ATXN7L2: variants seen among roughly 807,000 people sequenced by gnomAD.
ATXN7L2 encodes the protein ataxin-7-like protein 2.
Under a neutral mutation model 59.6 loss-of-function variants are expected in ATXN7L2, and 17 were observed. The observed-to-expected ratio is 0.29, with a 90% CI of 0.20 to 0.43. ATXN7L2 has a LOEUF of 0.43. Ranked by LOEUF, ATXN7L2 falls within the 20% of genes least tolerant of loss-of-function variation. The pLI is 1.00. For missense variants in ATXN7L2, 858 were observed against 1,008.9 expected (o/e 0.85, Z 2.03); for synonymous variants, 378 against 392.5 (o/e 0.96, Z 0.44).
chr1:109,487,466 A>C (rs1426300418), intron 4 of ATXN7L2, 52 bp from the exon 5 acceptor site: 1 of 1,438,158 alleles, frequency 7.0e-7, no homozygotes, highest in Non-Finnish European at 9.2e-7. Context: ...TCCAGGCCCC[A>C]GGCCTCGCCT....
rs1433346064 is a variant in ATXN7L2 at position 109,491,556 on chromosome 1, G to C, written c.2089G>C (p.Glu697Gln). 1 of 1,613,996 alleles carries C rather than the reference G, an allele frequency of 6.2e-7. No homozygotes were observed. Residue 697 changes from glutamate to glutamine, a missense_variant, in exon 10 of 11, where the codon GAG becomes CAG. Physicochemically the swap from Glu to Gln is conservative, Grantham distance 29. Around this residue, in one of 3 missense-constraint regions of ATXN7L2, gnomAD observed 734 missense variants for 862.3 expected, o/e 0.85. Coordinates refer to ENST00000683729, the MANE Select transcript of ATXN7L2 (RefSeq NM_001350175.2). The surrounding 1 kb of genome is among the most constrained non-coding windows in gnomAD (Gnocchi z 4.1). ...GGCCCTGCCAACCAACTGCCTCTCT[G>C]AGGAGGAGGTGGCCAAGAAGCGGAA... is the stretch of plus-strand genomic sequence containing the variant. The part of the protein sequence containing the change: ...AKALPTNCLS[E>Q]EEVAKKRKNL...
At chr1:109,489,768 G>C in intron 7 of ATXN7L2, 162 bp from the exon 8 acceptor site, 1 of 721,992 alleles carries the variant, frequency 1.4e-6, no homozygotes, top group African/African-American at 1.8e-5. Flanking sequence ...TCTGTGAGCT[G>C]TGTCGTTCCC....
chr1:109,487,088 A>G lies in ATXN7L2; in HGVS notation c.380A>G (p.His127Arg), dbSNP rs1156693841. 1 of 1,611,142 alleles carries G rather than the reference A, an allele frequency of 6.2e-7. No individual in the cohort carries two copies. The highest frequency in any genetic ancestry group is 8.5e-7 in the Non-Finnish European group (1 of 1,178,828). Residue 127 changes from histidine (H) to arginine (R), a missense_variant, in exon 4 of 11, where the codon CAT becomes CGT. Coordinates refer to ENST00000683729, the MANE Select transcript of ATXN7L2 (RefSeq NM_001350175.2). ...GCCCCTGCCAGCTCTCAGAAATGCC[A>G]TGTAGTGAATGGGCAGGGCCCAGCT... ...PPAPASSQKCHVVNGQGPACR... is the reference protein window; with the variant it reads ...PPAPASSQKCRVVNGQGPACR...
intron 1 of ATXN7L2, chr1:109,485,844 A>T: frequency 8.2e-7 from 1 of 1,217,554 alleles, no homozygotes; most frequent in Non-Finnish European, 1.0e-6. Context: ...GCATTTGAGA[A>T]TGGACCCACT....
chr1:109,485,467 G>C (rs1656516392), intron 1 of ATXN7L2: 2 of 985,358 alleles, frequency 2.0e-6, no homozygotes. Context: ...CATCCTATCA[G>C]TGCAGGACCT....
Position 109,489,904 on chromosome 1 carries a change from C to T in ATXN7L2, c.1134-26C>T, listed in dbSNP as rs532308242. 2.5e-6 allele frequency: 4 copies of T among 1,612,054 alleles called. No homozygotes were observed. The East Asian group carries it at 8.9e-5, about 36-fold the overall frequency. The stretch of plus-strand genomic sequence containing the variant: ...TCTGACCCCACAACAGTCACATTCC[C>T]CTGGCATCCCTTTTGGCCCTTCCAG... On this transcript the variant is annotated intron_variant, in intron 7 of 10. Transcript: ENST00000683729.
In ATXN7L2 at chr1:109,491,087, C is replaced by G. The variant is rs748360783; in HGVS notation, c.1620C>G (p.Ser540Arg). 1 of 1,613,748 alleles carries G rather than the reference C, an allele frequency of 6.2e-7. No individual in the cohort carries two copies. Among genetic ancestry groups the G allele is most frequent in the Non-Finnish European group, 8.5e-7 (1 of 1,180,000 alleles). Residue 540 changes from serine to arginine, a missense_variant, in exon 10 of 11, where the codon AGC (serine) becomes AGG (arginine). Around this residue, in one of 3 missense-constraint regions of ATXN7L2, gnomAD observed 734 missense variants for 862.3 expected, o/e 0.85. Coordinates refer to ENST00000683729, the MANE Select transcript of ATXN7L2 (RefSeq NM_001350175.2). This position sits in a 1 kb window ranked among gnomAD's most constrained non-coding sequence, Gnocchi z 4.1. ...CCACCAAGGACAACCTTGTCCCCAGCTACCCTGCAGGCTCCCCCAGCGTGG... is the reference window on the plus strand; with the variant it reads ...CCACCAAGGACAACCTTGTCCCCAGGTACCCTGCAGGCTCCCCCAGCGTGG... ...MPPTKDNLVP[S>R]YPAGSPSVAA...
chr1:109,487,290 C>A, intron 4 of ATXN7L2, 73 bp downstream of exon 4: 1 of 1,383,394 alleles, frequency 7.2e-7, no homozygotes, highest in Non-Finnish European at 9.6e-7. Flanking sequence ...TCAATACAGA[C>A]AGCCCTGGGT....
chr1:109,492,659 G>C lies in ATXN7L2; in HGVS notation c.*59G>C. 1 of 1,595,614 alleles carries C rather than the reference G, an allele frequency of 6.3e-7. No individual in the cohort carries two copies. The highest frequency in any genetic ancestry group is 2.2e-5 in the East Asian group (1 of 44,642). The stretch of plus-strand genomic sequence containing the variant: ...CAGCACCTCCTCCCCTCCAGATCCG[G>C]GCCCCAGGCTGCTGCCGCTTTTTAT... On this transcript the variant is annotated 3_prime_UTR_variant, in exon 11 of 11. Transcript: ENST00000683729.
Position 109,486,335 on chromosome 1 carries a change from C to A in ATXN7L2, c.194-171C>A. ...TGCCCACTCACCTGAAAGCGTATAC[C>A]CTTTGGGACTGCTTAGATCGAACTC... On this transcript the variant is annotated intron_variant, in intron 2 of 10. Transcript: ENST00000683729. The surrounding 1 kb of genome is among the most constrained non-coding windows in gnomAD (Gnocchi z 4.3). 1.1e-6 allele frequency: 1 copy of A among 936,318 alleles called. No homozygotes were observed. Among genetic ancestry groups the A allele is most frequent in the Non-Finnish European group, 1.6e-6 (1 of 639,308 alleles). 58.0% of individuals were successfully genotyped at this position (936,318 alleles called of 1,614,324 possible). A position where few individuals can be genotyped will look rare whatever the true frequency, so the allele number is the denominator to read the frequency against.
chr1:109,484,148 C>A, intron 1 of ATXN7L2, 68 bp downstream of exon 1: 1 of 1,290,586 alleles, frequency 7.7e-7, no homozygotes, highest in Non-Finnish European at 9.9e-7. Flanking sequence ...CGGGCCCCCG[C>A]CAGCTGAGGG....
At chr1:109,492,474 G>C (rs1657173521) in intron 10 of ATXN7L2, 112 bp from the exon 11 acceptor site, 2 of 1,435,158 alleles carry the variant, frequency 1.4e-6, no homozygotes. Flanking sequence ...TTACTCACCA[G>C]GCCAGCAGAA....
Position 109,491,679 on chromosome 1 carries a change from C to G in ATXN7L2, c.2212C>G (p.Pro738Ala). The G allele has an allele frequency of 6.2e-7, 1 of 1,608,294 alleles. No homozygotes were observed. ...CTCTGTGCGCCGCAAGAAGCCAGGC[C>G]CGGCCCTGGCCTTTGAGGAGAAGTG... ...ACSVRRKKPG[P>A]ALAFEEKCST... Residue 738 changes from proline to alanine, a missense_variant, in exon 10 of 11, where the codon CCG (proline) becomes GCG (alanine). Physicochemically the swap from Pro to Ala is conservative, Grantham distance 27. Transcript: ENST00000683729. The surrounding 1 kb of genome is among the most constrained non-coding windows in gnomAD (Gnocchi z 4.1).
At chr1:109,489,666 A>G (rs571824748) in intron 7 of ATXN7L2, 63 of 535,420 alleles carry the variant, frequency 1.2e-4, no homozygotes, top group Non-Finnish European at 1.9e-4. Flanking sequence ...GAGGAGGCGG[A>G]TCTGCAGCAG....
Position 109,486,957 on chromosome 1 carries a change from A to G in ATXN7L2, c.299-50A>G. On this transcript the variant is annotated intron_variant, in intron 3 of 10. Transcript: ENST00000683729. The surrounding 1 kb of genome is among the most constrained non-coding windows in gnomAD (Gnocchi z 4.3). Reference sequence around the variant, plus strand: ...ATGGACATGGTTAGGTTGGGGAAGGAAGTGGTGATACCACTCACCTTGATT... The same window carrying G: ...ATGGACATGGTTAGGTTGGGGAAGGGAGTGGTGATACCACTCACCTTGATT... The G allele has an allele frequency of 2.8e-6, 4 of 1,449,014 alleles. No individual in the cohort carries two copies. The highest frequency in any genetic ancestry group is 3.7e-6 in the Non-Finnish European group (4 of 1,073,124). 89.8% of individuals were successfully genotyped at this position (1,449,014 alleles called of 1,614,324 possible).
At position 109,485,617 on chromosome 1, in the gene ATXN7L2, G is replaced by A. The variant is rs1038079610; in HGVS notation, c.128-440G>A. ...AGGACCCATCGAGAAATCTCAAGAA[G>A]AGACTCAGGGACTTATAGAAACATT... On this transcript the variant is annotated intron_variant, in intron 1 of 10. Transcript: ENST00000683729. 1.1e-5 allele frequency: 11 copies of A among 986,254 alleles called. No individual in the cohort carries two copies. The African/African-American group carries it at 1.9e-4, about 17-fold the overall frequency. The allele number at this position is 986,254 out of a possible 1,614,324, so 61.1% of individuals were successfully genotyped here. A position where few individuals can be genotyped will look rare whatever the true frequency, so the allele number is the denominator to read the frequency against.
chr1:109,487,058 C>T lies in ATXN7L2; in HGVS notation c.350C>T (p.Pro117Leu), dbSNP rs753070202. 6.2e-7 allele frequency: 1 copy of T among 1,613,226 alleles called. No individual in the cohort carries two copies. Among genetic ancestry groups the T allele is most frequent in the Non-Finnish European group, 8.5e-7 (1 of 1,179,584 alleles). Residue 117 changes from proline (P) to leucine (L), a missense_variant, in exon 4 of 11, where the codon CCT becomes CTT. Coordinates refer to ENST00000683729, the MANE Select transcript of ATXN7L2 (RefSeq NM_001350175.2). ...SKLYGRAPPP[P>L]PAPASSQKCH... ...CTTTATGGCCGGGCCCCACCCCCAC[C>T]TCCAGCCCCTGCCAGCTCTCAGAAA... is the stretch of plus-strand genomic sequence containing the variant.
Position 109,491,862 on chromosome 1 carries a change from G to C in ATXN7L2, c.2250+145G>C. The C allele has an allele frequency of 2.4e-6, 3 of 1,235,034 alleles. No homozygotes were observed. The highest frequency in any genetic ancestry group is 2.9e-5 in the Admixed American group (1 of 34,640). 76.5% of individuals were successfully genotyped at this position (1,235,034 alleles called of 1,614,324 possible). A position where few individuals can be genotyped will look rare whatever the true frequency, so the allele number is the denominator to read the frequency against. On this transcript the variant is annotated intron_variant, in intron 10 of 10. Transcript: ENST00000683729. The surrounding 1 kb of genome is among the most constrained non-coding windows in gnomAD (Gnocchi z 4.1). ...TCCTGGACTGTTTTCTTTAGGAAGAGGTAGGTCAGTTCTTAGCAAAGTGAC... is the reference window on the plus strand; with the variant it reads ...TCCTGGACTGTTTTCTTTAGGAAGACGTAGGTCAGTTCTTAGCAAAGTGAC...
chr1:109,491,182 C>T lies in ATXN7L2; in HGVS notation c.1715C>T (p.Thr572Met), dbSNP rs767353956. The change falls in exon 10 of 11, where the codon ACG becomes ATG. Residue 572 changes from threonine to methionine, a missense_variant. Physicochemically the swap from Thr to Met is moderately conservative, Grantham distance 81. Around this residue, in one of 3 missense-constraint regions of ATXN7L2, gnomAD observed 734 missense variants for 862.3 expected, o/e 0.85. Transcript: ENST00000683729. This position sits in a 1 kb window ranked among gnomAD's most constrained non-coding sequence, Gnocchi z 4.1. ...ATCACCTCACCACTGCCTGCCAACA[C>T]GCCATCCCCGTCCTTCAGCAAGCTG... ...QAITSPLPAN[T>M]PSPSFSKLPP... is the part of the protein sequence containing the mutation. The T allele has an allele frequency of 8.1e-6, 13 of 1,613,922 alleles. No homozygotes were observed. Among genetic ancestry groups the T allele is most frequent in the East Asian group, 4.5e-5 (2 of 44,884 alleles).
Sources: allele counts gnomAD v4.1 joint callset, GRCh38; gene constraint gnomAD v4.1.1; regional missense constraint gnomAD v4.1.1; non-coding constraint Gnocchi (gnomAD v3.1); transcripts MANE v1.5; gene names NCBI Gene and HGNC (gene_info 2026-07-23, HGNC 2026-07-21).